The following TELO2 variants were observed in gnomAD, a reference collection of about 807,000 sequenced individuals.
TELO2 encodes the protein telomere maintenance 2, also known as telomere length regulation protein TEL2 homolog.
A neutral mutation model predicts 91.0 loss-of-function variants in TELO2; 71 were observed. That is an observed-to-expected ratio of 0.78 (90% confidence interval 0.64 to 0.95). The LOEUF (loss-of-function observed/expected upper bound fraction) is 0.95, where lower values mean the gene tolerates loss of function less well. Ranked by LOEUF, TELO2 falls within the 40% of genes least tolerant of loss-of-function variation. The pLI is 0.00. For missense variants in TELO2, 1,183 were observed against 1,141.3 expected (o/e 1.04, Z -0.53); for synonymous variants, 584 against 518.9 (o/e 1.13, Z -1.71).
intron 3 of TELO2, among the ~76,000 whole-genome samples, chr16:1,496,108 G>GCCTCTC (rs1190700465): frequency 2.0e-5 from 3 of 152,222 alleles, no homozygotes; most frequent in Admixed American, 2.0e-4. Context: ...CGGAGCGTCT[G>GCCTCTC]CCTCTCCCTG....
intron 20 of TELO2, among the ~76,000 whole-genome samples, chr16:1,508,137 GT>G (rs1056783141): frequency 1.5e-4 from 22 of 150,098 alleles, no homozygotes; most frequent in African/African-American, 5.4e-4. Flanking sequence ...GCAACTTTTT[GT>G]TTGTTTGTTT....
rs748517878 is a variant in TELO2, at chr16:1,494,450, G to T, written c.169G>T (p.Ala57Ser). Residue 57 changes from alanine (A) to serine (S), a missense_variant, in exon 2 of 21, where the codon GCC becomes TCC. Transcript: ENST00000262319. The surrounding 1 kb of genome is among the most constrained non-coding windows in gnomAD (Gnocchi z 5.6). ...LPREKEEFAS[A>S]HFSPVLRCLA... ...GAGGGAGAAGGAGGAGTTTGCCTCG[G>T]CCCACTTCTCGCCTGTCCTCAGATG... The T allele has an allele frequency of 1.2e-6, 2 of 1,613,384 alleles. No homozygotes were observed. Among genetic ancestry groups the T allele is most frequent in the Non-Finnish European group, 1.7e-6 (2 of 1,179,984 alleles).
chr16:1,495,824 G>A (rs574156620), intron 3 of TELO2, among the ~76,000 whole-genome samples: 1 of 152,228 alleles, frequency 6.6e-6, no homozygotes, highest in Non-Finnish European at 1.5e-5. Flanking sequence ...CCCTCCACGC[G>A]GGCTTCTCTT....
chr16:1,506,730 T>C lies in TELO2; in HGVS notation c.2127-222T>C. 3 of 1,393,994 alleles carry C rather than the reference T, an allele frequency of 2.2e-6. No individual in the cohort carries two copies. In the Middle Eastern group the frequency reaches 8.1e-4, roughly 378 times the overall value. The allele number at this position is 1,393,994 out of a possible 1,614,324, so 86.4% of individuals were successfully genotyped here. On this transcript the variant is annotated intron_variant, in intron 17 of 20. Transcript: ENST00000262319. ...TTGTGCTGCAGCAGGGGTGGGGGTC[T>C]CGGCGTTGGGAACTCCTGGCCCAGG...
At chr16:1,506,894 G>A (rs1354626629) in intron 17 of TELO2, 58 bp from the exon 18 acceptor site, 6 of 1,519,276 alleles carry the variant, frequency 3.9e-6, no homozygotes, top group South Asian at 3.7e-5. Flanking sequence ...TGGCCCAGGA[G>A]GTTGGGGACC....
chr16:1,507,458 C>T, intron 19 of TELO2, 88 bp downstream of exon 19: 1 of 1,546,324 alleles, frequency 6.5e-7, no homozygotes, highest in Non-Finnish European at 8.8e-7. Context: ...CTCGAGGTGG[C>T]TGACAGGCAG....
At chr16:1,495,666 T>C (rs777545027) in intron 3 of TELO2, 43 bp downstream of exon 3, 7 of 1,542,480 alleles carry the variant, frequency 4.5e-6, no homozygotes, top group Non-Finnish European at 5.2e-6. Context: ...CCCGTCTTCT[T>C]GGGTCCTCGT....
At chr16:1,506,113 G>A (rs1312454102) in intron 16 of TELO2, 125 bp from the exon 17 acceptor site, 3 of 1,062,276 alleles carry the variant, frequency 2.8e-6, no homozygotes, top group South Asian at 2.8e-5. Flanking sequence ...GGGGCCGGAA[G>A]AGTAGCCCGG....
At chr16:1,504,433 C>CAAA (rs1197074771) in intron 15 of TELO2, among the ~76,000 whole-genome samples, 7 of 26,906 alleles carry the variant, frequency 2.6e-4, no homozygotes, top group African/African-American at 4.5e-4. Context: ...GACTCCATCT[C>CAAA]AAAAAAAAAA....
In TELO2 at chr16:1,507,638, G is replaced by T; in HGVS notation, c.2329G>T (p.Val777Phe). ...RQGLLSAVSS[V>F]LLSLPAARLL... ...GGGGCTGTTGTCGGCCGTCTCCTCC[G>T]TCCTGCTCAGCCTGCCTGCTGCGCG... The change falls in exon 20 of 21, where the codon GTC (valine) becomes TTC (phenylalanine). Residue 777 changes from valine (V) to phenylalanine (F), a missense_variant. By Grantham distance (50) the Val-to-Phe change is conservative. Coordinates refer to ENST00000262319, the MANE Select transcript of TELO2 (RefSeq NM_016111.4). 6.3e-7 allele frequency: 1 copy of T among 1,599,280 alleles called. No homozygotes were observed.
chr16:1,501,952 T>A, intron 11 of TELO2, 95 bp from the exon 12 acceptor site: 1 of 1,555,780 alleles, frequency 6.4e-7, no homozygotes, highest in Non-Finnish European at 8.9e-7. Context: ...AGGCGTGAGC[T>A]CCGCATCTTG....
At position 1,507,304 on chromosome 16, in the gene TELO2, A is replaced by G. The variant is rs946700058; in HGVS notation, c.2227-2A>G. ...ACTGACTGTCCCTCTGCTGGTGTCC[A>G]GGTGGCTGTGGCCATGGGCAAGGCC... On this transcript the variant is annotated splice_acceptor_variant, in intron 18 of 20. Transcript: ENST00000262319. LOFTEE classifies it high-confidence loss of function. The G allele has an allele frequency of 6.2e-7, 1 of 1,608,728 alleles. No homozygotes were observed.
In TELO2 at chr16:1,500,649, G is replaced by C; in HGVS notation, c.1231G>C (p.Glu411Gln). ...PVRRLGMIVAEVVSARIHPEG... is the reference protein window; with the variant it reads ...PVRRLGMIVAQVVSARIHPEG... ...GCGACGCCTGGGCATGATCGTGGCA[G>C]AGGTCGTTAGTGCCCGGATCCACCC... Residue 411 changes from glutamate to glutamine, a missense_variant, in exon 9 of 21, where the codon GAG becomes CAG. Coordinates refer to ENST00000262319, the MANE Select transcript of TELO2 (RefSeq NM_016111.4). The C allele has an allele frequency of 3.7e-6, 6 of 1,612,602 alleles. No homozygotes were observed. The highest frequency in any genetic ancestry group is 5.1e-6 in the Non-Finnish European group (6 of 1,179,840).
In TELO2 at chr16:1,494,758, G is replaced by A; in HGVS notation, c.335+142G>A. 4 of 950,540 alleles carry A rather than the reference G, an allele frequency of 4.2e-6. No individual in the cohort carries two copies. The highest frequency in any genetic ancestry group is 6.1e-6 in the Non-Finnish European group (4 of 656,180). The allele number at this position is 950,540 out of a possible 1,614,324, so 58.9% of individuals were successfully genotyped here. A position where few individuals can be genotyped will look rare whatever the true frequency, so the allele number is the denominator to read the frequency against. ...CTCCTGGCTGAACCCCTGAACAGAAGAAGCGGTCTGTGTCTGTCTCCTTTG... is the reference window on the plus strand; with the variant it reads ...CTCCTGGCTGAACCCCTGAACAGAAAAAGCGGTCTGTGTCTGTCTCCTTTG... On this transcript the variant is annotated intron_variant, in intron 2 of 20. Coordinates refer to ENST00000262319, the MANE Select transcript of TELO2 (RefSeq NM_016111.4). The surrounding 1 kb of genome is among the most constrained non-coding windows in gnomAD (Gnocchi z 5.6).
intron 12 of TELO2, 74 bp from the exon 13 acceptor site, chr16:1,502,239 C>T (rs559794311): frequency 3.0e-4 from 473 of 1,567,670 alleles, no homozygotes; most frequent in Non-Finnish European, 3.8e-4. Flanking sequence ...CCCGGGGTGC[C>T]GCCCGTGCTG....
intron 3 of TELO2, among the ~76,000 whole-genome samples, chr16:1,495,903 T>A (rs1422797086): frequency 6.6e-6 from 1 of 152,166 alleles, no homozygotes; most frequent in Non-Finnish European, 1.5e-5. Context: ...ATCTCGAGGT[T>A]CTCAGGTCTG....
chr16:1,503,058 G>A (rs2039764329), intron 15 of TELO2, 56 bp downstream of exon 15: 2 of 1,595,230 alleles, frequency 1.3e-6, no homozygotes, highest in African/African-American at 2.7e-5. Context: ...CCCTAAGGTG[G>A]GGCTGCCAAA....
chr16:1,508,794 G>A (rs1008673056), intron 20 of TELO2, among the ~76,000 whole-genome samples: 18 of 152,178 alleles, frequency 1.2e-4, no homozygotes, highest in African/African-American at 3.6e-4. Flanking sequence ...CGGTACCGAT[G>A]GACACGGGAA....
At position 1,509,966 on chromosome 16, in the gene TELO2, G is replaced by A. The variant is rs757138645; in HGVS notation, c.*30G>A. On this transcript the variant is annotated 3_prime_UTR_variant, in exon 21 of 21. Transcript: ENST00000262319. ...TGGAGGCCTCCCCAGGACCACCCTC[G>A]CCGACAGCAAGGCAGGCGGCTGAGC... The A allele has an allele frequency of 1.1e-4, 176 of 1,552,344 alleles. No homozygotes were observed. Among genetic ancestry groups the A allele is most frequent in the Non-Finnish European group, 1.5e-4 (167 of 1,145,532 alleles).
Sources: gnomAD v4.1 joint callset for allele counts (sites outside exome capture counted in the v4.1 genomes callset) on GRCh38, gnomAD v4.1.1 for gene constraint, Gnocchi (gnomAD v3.1) non-coding constraint, MANE v1.5 for transcripts, NCBI Gene and HGNC (gene_info 2026-07-23, HGNC 2026-07-21) for gene names.